The following GRIP1 variants were observed in gnomAD, a reference collection of about 807,000 sequenced individuals.
GRIP1 encodes glutamate receptor interacting protein 1.
In GRIP1, 45 loss-of-function variants were observed where a neutral mutation model predicts 129.9. The observed-to-expected ratio is 0.35, with a 90% CI of 0.27 to 0.44. GRIP1 has a LOEUF of 0.44. GRIP1 is among the 20% of genes least tolerant of loss of function. The pLI is 1.00. For missense variants in GRIP1, 1,196 were observed against 1,396.8 expected (o/e 0.86, Z 2.29); for synonymous variants, 530 against 520.8 (o/e 1.02, Z -0.24).
At chr12:67,051,300 T>C (rs935383207) in intron 1 of GRIP1, among the ~76,000 whole-genome samples, 1 of 152,102 alleles carries the variant, frequency 6.6e-6, no homozygotes, top group African/African-American at 2.4e-5. Context: ...TTGTTCAACA[T>C]TCATCTACTA....
At chr12:66,538,822 C>T (rs972817027) in intron 4 of GRIP1, among the ~76,000 whole-genome samples, 4 of 151,394 alleles carry the variant, frequency 2.6e-5, no homozygotes, top group African/African-American at 9.7e-5. Flanking sequence ...AGGCTGGTCT[C>T]GAACCACTGG....
chr12:66,716,605 T>C (rs1172270237), intron 1 of GRIP1, among the ~76,000 whole-genome samples: 1 of 151,994 alleles, frequency 6.6e-6, no homozygotes, highest in East Asian at 1.9e-4. Flanking sequence ...CCTTTAAGGA[T>C]TTCCTTAAAG....
At chr12:66,933,026 T>C (rs575035734) in intron 1 of GRIP1, among the ~76,000 whole-genome samples, 4 of 152,332 alleles carry the variant, frequency 2.6e-5, no homozygotes, top group African/African-American at 9.6e-5. Context: ...TTCCTATAGG[T>C]AACGAGTTCC....
intron 1 of GRIP1, among the ~76,000 whole-genome samples, chr12:66,718,263 T>C (rs186236500): frequency 1.3e-5 from 2 of 152,258 alleles, no homozygotes; most frequent in East Asian, 3.9e-4. Flanking sequence ...TCTGCTGCAG[T>C]GATTGCCAAG....
chr12:66,812,514 C>T (rs1052102778), intron 1 of GRIP1, among the ~76,000 whole-genome samples: 1 of 152,198 alleles, frequency 6.6e-6, no homozygotes, highest in Admixed American at 6.5e-5. Context: ...GTTCTTCACA[C>T]ACATAATTAC....
At chr12:66,793,718 G>A (rs1233480109) in intron 1 of GRIP1, among the ~76,000 whole-genome samples, 3 of 152,154 alleles carry the variant, frequency 2.0e-5, no homozygotes, top group Non-Finnish European at 4.4e-5. Flanking sequence ...GCAGCATGGG[G>A]AAGGATGGCA....
At chr12:66,806,779 G>C (rs2039001211), upstream of GRIP1, among the ~76,000 whole-genome samples, 1 of 151,140 alleles carries the variant, frequency 6.6e-6, no homozygotes, top group Non-Finnish European at 1.5e-5. Context: ...GAAATAAACA[G>C]AAATTGTACA....
chr12:66,618,546 A>G (rs578239676), intron 1 of GRIP1, among the ~76,000 whole-genome samples: 1 of 152,106 alleles, frequency 6.6e-6, no homozygotes, highest in African/African-American at 2.4e-5. Flanking sequence ...GTAAAAATAA[A>G]GCATGATTGA....
intron 4 of GRIP1, among the ~76,000 whole-genome samples, chr12:66,534,505 G>A (rs957288398): frequency 6.6e-6 from 1 of 152,060 alleles, no homozygotes; most frequent in African/African-American, 2.4e-5. Context: ...ACGGCCCACT[G>A]GATGCCAAGC....
intron 1 of GRIP1, among the ~76,000 whole-genome samples, chr12:66,766,975 T>C (rs778990163): frequency 2.6e-5 from 4 of 152,212 alleles, no homozygotes; most frequent in Non-Finnish European, 5.9e-5. Context: ...ACTGGAATTT[T>C]CTACCCATAA....
intron 7 of GRIP1, among the ~76,000 whole-genome samples, chr12:66,473,721 C>G (rs1016503882): frequency 1.3e-5 from 2 of 152,210 alleles, no homozygotes; most frequent in African/African-American, 4.8e-5. Context: ...CAAACTCTAG[C>G]AGACCTGCAG....
chr12:66,603,853 T>A (rs2064389871), intron 1 of GRIP1, among the ~76,000 whole-genome samples: 1 of 152,214 alleles, frequency 6.6e-6, no homozygotes, highest in African/African-American at 2.4e-5. Flanking sequence ...AGTAACTAGA[T>A]CTATCTAAGG....
chr12:66,808,591 T>C (rs990322416), upstream of GRIP1, among the ~76,000 whole-genome samples: 2 of 149,616 alleles, frequency 1.3e-5, no homozygotes, highest in African/African-American at 5.0e-5. Context: ...GCCACTGTTT[T>C]TCTGTTTTGT....
At chr12:66,654,023 G>T (rs1205148063) in intron 1 of GRIP1, among the ~76,000 whole-genome samples, 1 of 152,156 alleles carries the variant, frequency 6.6e-6, no homozygotes, top group African/African-American at 2.4e-5. Flanking sequence ...GGGCATCCTT[G>T]CTACAGAGGC....
At chr12:66,754,849 G>A (rs866788822) in intron 1 of GRIP1, among the ~76,000 whole-genome samples, 1 of 152,122 alleles carries the variant, frequency 6.6e-6, no homozygotes, top group African/African-American at 2.4e-5. Context: ...CAATTTCCCT[G>A]AGTCTGCCTG....
chr12:67,047,755 C>T (rs1312260182), intron 1 of GRIP1, among the ~76,000 whole-genome samples: 1 of 152,114 alleles, frequency 6.6e-6, no homozygotes, highest in Non-Finnish European at 1.5e-5. Context: ...AAAGCTTTTT[C>T]AGTATTTAGG....
rs2043307619 is a variant in GRIP1, at chr12:67,049,531, G to A, written c.58+19519C>T. 2.0e-5 allele frequency among the ~76,000 whole-genome samples: 3 copies of A among 152,104 alleles called. No homozygotes were observed. The South Asian group carries it at 6.2e-4, about 31-fold the overall frequency. The stretch of plus-strand genomic sequence containing the variant: ...AACAATGAGAATACATGGACGCAGG[G>A]AGGGGAACTTCACACACCAGGGCCT... On this transcript the variant is annotated intron_variant, in intron 1 of 1. Coordinates refer to the GRIP1 transcript ENST00000643019.
rs376047939 is a variant in GRIP1 at position 66,967,426 on chromosome 12, G to A, written c.58+101624C>T. Reference sequence around the variant, plus strand: ...GTTTTAAATACTAAAATTATTTTACGAAAATAAGCACAGCCATTTAAGTAT... The same window carrying A: ...GTTTTAAATACTAAAATTATTTTACAAAAATAAGCACAGCCATTTAAGTAT... On this transcript the variant is annotated intron_variant, in intron 1 of 1. Transcript: ENST00000643019. 3.3e-5 allele frequency among the ~76,000 whole-genome samples: 5 copies of A among 152,192 alleles called. No homozygotes were observed. In the East Asian group the frequency reaches 5.8e-4, roughly 18 times the overall value.
Position 66,960,212 on chromosome 12 carries a change from T to C in GRIP1, c.58+108838A>G, listed in dbSNP as rs1229946828. Among the ~76,000 whole-genome samples, 4 of 152,134 alleles carry C rather than the reference T, an allele frequency of 2.6e-5. No individual in the cohort carries two copies. In the East Asian group the frequency reaches 5.8e-4, roughly 22 times the overall value. ...CCTCTGAGTCATGTGGGGAATGAAC[T>C]GTACAGAAGCAAAAGTTCCTGAAGT... On this transcript the variant is annotated intron_variant, in intron 1 of 1. Coordinates refer to the GRIP1 transcript ENST00000643019.
Sources: allele counts gnomAD v4.1 joint callset (sites outside exome capture counted in the v4.1 genomes callset), GRCh38; gene constraint gnomAD v4.1.1; transcripts MANE v1.5; gene names NCBI Gene and HGNC (gene_info 2026-07-23, HGNC 2026-07-21).